EPHB1: variants seen among roughly 807,000 people sequenced by gnomAD.
EPHB1 encodes the protein ephrin type-B receptor 1.
A neutral mutation model predicts 94.4 loss-of-function variants in EPHB1; 30 were observed. That is an observed-to-expected ratio of 0.32 (90% CI 0.24 to 0.43). The LOEUF (loss-of-function observed/expected upper bound fraction) is 0.43, where lower values mean the gene tolerates loss of function less well. Ranked by LOEUF, EPHB1 falls within the 20% of genes least tolerant of loss-of-function variation. The pLI is 1.00. For missense variants in EPHB1, 1,055 were observed against 1,308.3 expected, an observed-to-expected ratio of 0.81 and a Z score of 2.99; for synonymous variants, 522 against 489.1, an observed-to-expected ratio of 1.07 and a Z score of -0.89.
At chr3:135,141,430 C>T (rs906296964) in intron 5 of EPHB1, among the ~76,000 whole-genome samples, 1 of 152,154 alleles carries the variant, frequency 6.6e-6, no homozygotes, top group Admixed American at 6.5e-5. Flanking sequence ...AAACCCTGCC[C>T]CTCAGCAATG....
intron 5 of EPHB1, among the ~76,000 whole-genome samples, chr3:135,146,331 G>A (rs1002456095): frequency 2.0e-5 from 3 of 152,236 alleles, no homozygotes; most frequent in Non-Finnish European, 2.9e-5. Flanking sequence ...AGTTTAGAAA[G>A]ATTAATATGG....
chr3:134,928,926 A>C (rs1189095491), intron 2 of EPHB1, among the ~76,000 whole-genome samples: 1 of 151,932 alleles, frequency 6.6e-6, no homozygotes, highest in Admixed American at 6.6e-5. Context: ...AAAAGTGGCA[A>C]ATGCTTCTGC....
intron 1 of EPHB1, among the ~76,000 whole-genome samples, chr3:134,925,506 G>T (rs544605973): frequency 3.9e-4 from 59 of 152,354 alleles, no homozygotes; most frequent in African/African-American, 1.3e-3. Context: ...GGTCTTGGCG[G>T]TAAAGTAGTG....
At chr3:134,910,012 A>G (rs539777381) in intron 1 of EPHB1, among the ~76,000 whole-genome samples, 6 of 152,196 alleles carry the variant, frequency 3.9e-5, no homozygotes, top group Non-Finnish European at 5.9e-5. Context: ...GCTGCCTCCT[A>G]GTCCATTCCC....
intron 1 of EPHB1, among the ~76,000 whole-genome samples, chr3:134,853,339 A>C (rs1418580963): frequency 6.6e-6 from 1 of 152,180 alleles, no homozygotes; most frequent in Non-Finnish European, 1.5e-5. Context: ...GAGACTCCTC[A>C]GGGCATGTAG....
intron 1 of EPHB1, among the ~76,000 whole-genome samples, chr3:134,815,894 T>C (rs2036259458): frequency 6.6e-6 from 1 of 152,204 alleles, no homozygotes; most frequent in Non-Finnish European, 1.5e-5. Flanking sequence ...TGCCCCTAGT[T>C]TCAACAGTTG....
intron 3 of EPHB1, among the ~76,000 whole-genome samples, chr3:135,032,686 C>G (rs996815352): frequency 6.6e-6 from 1 of 152,184 alleles, no homozygotes; most frequent in Non-Finnish European, 1.5e-5. Flanking sequence ...GATCAGTGCA[C>G]TGAAGTTAGT....
chr3:135,062,362 T>A (rs1259472282), intron 3 of EPHB1, among the ~76,000 whole-genome samples: 1 of 152,208 alleles, frequency 6.6e-6, no homozygotes, highest in Admixed American at 6.5e-5. Flanking sequence ...TACCATTTTT[T>A]AATTTTTTGA....
At chr3:134,907,951 C>T (rs1248108029) in intron 1 of EPHB1, among the ~76,000 whole-genome samples, 1 of 152,214 alleles carries the variant, frequency 6.6e-6, no homozygotes, top group Non-Finnish European at 1.5e-5. Context: ...CAGAGTCCTC[C>T]TGGTGCAGGG....
At chr3:134,943,082 A>G (rs1455554798) in intron 2 of EPHB1, among the ~76,000 whole-genome samples, 1 of 152,232 alleles carries the variant, frequency 6.6e-6, no homozygotes, top group African/African-American at 2.4e-5. Context: ...CTGCAAAGAG[A>G]ATCCAGCCCT....
intron 1 of EPHB1, among the ~76,000 whole-genome samples, chr3:134,807,515 G>A (rs1323779167): frequency 6.7e-6 from 1 of 148,844 alleles, no homozygotes; most frequent in African/African-American, 2.5e-5. Context: ...GTGTGTGTGT[G>A]TGTGTGTGTG....
intron 3 of EPHB1, among the ~76,000 whole-genome samples, chr3:135,078,790 C>T (rs1190763455): frequency 6.6e-6 from 1 of 152,236 alleles, no homozygotes; most frequent in Non-Finnish European, 1.5e-5. Flanking sequence ...GAAATTTTAA[C>T]ATCTCTCATA....
In EPHB1 at chr3:135,260,165, A is replaced by G. The variant is rs1383195113; in HGVS notation, c.*1045A>G. The G allele has an allele frequency of 4.3e-6, 1 of 233,082 alleles. No individual in the cohort carries two copies. The highest frequency in any genetic ancestry group is 8.5e-6 in the Non-Finnish European group (1 of 117,692). 14.4% of individuals were successfully genotyped at this position (233,082 alleles called of 1,614,324 possible). ...ATTATTCCTGATAACATCTCAAGAA[A>G]AGGAGAAGGAAAGTGTTTCTGGAGA... On this transcript the variant is annotated 3_prime_UTR_variant, in exon 16 of 16. Coordinates refer to ENST00000398015, the MANE Select transcript of EPHB1 (RefSeq NM_004441.5).
In EPHB1 at chr3:135,003,354, T is replaced by C. The variant is rs1935259621; in HGVS notation, c.805+51302T>C. On this transcript the variant is annotated intron_variant, in intron 3 of 15. Transcript: ENST00000398015. ...TGTTACAATTTCTGTTCTTTTACCTTTGCTGAGGAGAGCTTTACTTCCAAG... is the reference window on the plus strand; with the variant it reads ...TGTTACAATTTCTGTTCTTTTACCTCTGCTGAGGAGAGCTTTACTTCCAAG... Among the ~76,000 whole-genome samples the C allele has an allele frequency of 1.3e-5, 2 of 152,036 alleles. 1 individual carries two copies. The highest frequency in any genetic ancestry group is 4.8e-5 in the African/African-American group (2 of 41,320).
At position 134,872,163 on chromosome 3, in the gene EPHB1, C is replaced by T. The variant is rs549396767; in HGVS notation, c.59-53653C>T. 2.6e-5 allele frequency among the ~76,000 whole-genome samples: 4 copies of T among 152,308 alleles called. No individual in the cohort carries two copies. The South Asian group carries it at 6.2e-4, about 24-fold the overall frequency. On this transcript the variant is annotated intron_variant, in intron 1 of 15. Coordinates refer to ENST00000398015, the MANE Select transcript of EPHB1 (RefSeq NM_004441.5). ...CCTGATGTCTGAGAATAAGGGACAA[C>T]CTCTCACAACAAATTGACAAGGGAT...
rs114776607 is a variant in EPHB1, at chr3:134,965,829, G to A, written c.805+13777G>A. On this transcript the variant is annotated intron_variant, in intron 3 of 15. Coordinates refer to ENST00000398015, the MANE Select transcript of EPHB1 (RefSeq NM_004441.5). ...TACTCAGAGAGCTCATAGCCTCAGTGCACAAATCACACTGACTTGGACATC... is the reference window on the plus strand; with the variant it reads ...TACTCAGAGAGCTCATAGCCTCAGTACACAAATCACACTGACTTGGACATC... Among the ~76,000 whole-genome samples the A allele has an allele frequency of 4.7e-3, 720 of 152,126 alleles. 2 individuals are homozygous for A. The highest frequency in any genetic ancestry group is 0.016 in the African/African-American group (678 of 41,488).
intron 4 of EPHB1, among the ~76,000 whole-genome samples, chr3:135,110,234 G>A (rs1052858347): frequency 1.3e-5 from 2 of 152,172 alleles, no homozygotes; most frequent in African/African-American, 2.4e-5. Flanking sequence ...GATCACAGAG[G>A]CAAGCTAGTG....
At chr3:135,097,086 A>G (rs1576380840) in intron 3 of EPHB1, among the ~76,000 whole-genome samples, 1 of 126,130 alleles carries the variant, frequency 7.9e-6, no homozygotes, top group Non-Finnish European at 1.6e-5. Context: ...ACAGAGCAAG[A>G]CTCTGTCTAC....
chr3:135,009,146 C>G (rs187726449), intron 3 of EPHB1, among the ~76,000 whole-genome samples: 4 of 152,258 alleles, frequency 2.6e-5, no homozygotes, highest in African/African-American at 9.6e-5. Flanking sequence ...GAAACCCTGG[C>G]TGCAATGAAA....
Sources: gnomAD v4.1 joint callset for allele counts (sites outside exome capture counted in the v4.1 genomes callset) on GRCh38, gnomAD v4.1.1 for gene constraint, MANE v1.5 for transcripts, NCBI Gene and HGNC (gene_info 2026-07-23, HGNC 2026-07-21) for gene names.